Variants in HINT1 observed in about 807,000 individuals in gnomAD.
The protein encoded by HINT1 is histidine triad nucleotide binding protein 1.
HINT1 carries 12 observed loss-of-function variants against 11.2 expected under a neutral mutation model. The ratio of observed to expected loss-of-function variants is 1.07; its 90% CI spans 0.69 to 1.74. The LOEUF is 1.74. Ranked by LOEUF, HINT1 falls within the 40% of genes most tolerant of loss-of-function variation. The pLI is 0.00. For synonymous variants in HINT1, 42 were observed against 52.6 expected, an observed-to-expected ratio of 0.80 and a Z score of 0.87; for missense variants, 150 against 161.8, an observed-to-expected ratio of 0.93 and a Z score of 0.40.
At chr5:131,165,070 G>A in intron 1 of HINT1, 25 bp downstream of exon 1, 1 of 1,613,364 alleles carries the variant, frequency 6.2e-7, no homozygotes, top group South Asian at 1.1e-5. Context: ...CTCAGCAGGC[G>A]AGAGAGGTGG....
At chr5:131,162,107 C>G in intron 2 of HINT1, 2 of 333,696 alleles carry the variant, frequency 6.0e-6, no homozygotes, top group Non-Finnish European at 1.1e-5. Flanking sequence ...GGGCGGATCA[C>G]GAGGTCAGGA....
At chr5:131,164,027 T>A (rs948247548) in intron 1 of HINT1, among the ~76,000 whole-genome samples, 4 of 152,218 alleles carry the variant, frequency 2.6e-5, no homozygotes, top group African/African-American at 9.6e-5. Flanking sequence ...ACCAAAGAAT[T>A]TCCCCTGAGT....
At chr5:131,159,710 C>A in intron 2 of HINT1, 99 bp from the exon 3 acceptor site, 4 of 1,091,486 alleles carry the variant, frequency 3.7e-6, no homozygotes, top group Non-Finnish European at 5.3e-6. Flanking sequence ...TTAAAACTCT[C>A]ATTGAAACAC....
intron 2 of HINT1, chr5:131,160,573 G>A: frequency 2.6e-6 from 1 of 380,204 alleles, no homozygotes; most frequent in Non-Finnish European, 3.7e-6. Flanking sequence ...TAATTCCTTT[G>A]GCAAGAAAAG....
At chr5:131,163,009 T>C (rs1175344483) in intron 1 of HINT1, among the ~76,000 whole-genome samples, 1 of 152,070 alleles carries the variant, frequency 6.6e-6, no homozygotes, top group Non-Finnish European at 1.5e-5. Flanking sequence ...AGCTAATTTT[T>C]GTGTTTTTGT....
intron 2 of HINT1, chr5:131,160,859 G>C: frequency 2.2e-6 from 1 of 458,648 alleles, no homozygotes; most frequent in Non-Finnish European, 4.4e-6. Flanking sequence ...TACAGAATAG[G>C]CTCTGTATTA....
At chr5:131,162,497 G>T in intron 2 of HINT1, 75 bp downstream of exon 2, 1 of 1,595,418 alleles carries the variant, frequency 6.3e-7, no homozygotes, top group South Asian at 1.1e-5. Flanking sequence ...ATGAAAATGT[G>T]ACAGCACTTT....
intron 2 of HINT1, 200 bp downstream of exon 2, chr5:131,162,372 G>C (rs1755276016): frequency 9.9e-7 from 1 of 1,012,644 alleles, no homozygotes; most frequent in East Asian, 2.6e-5. Flanking sequence ...GGAGAAGCTG[G>C]AACGCTCATT....
At chr5:131,163,515 G>A (rs1461589387) in intron 1 of HINT1, among the ~76,000 whole-genome samples, 2 of 151,210 alleles carry the variant, frequency 1.3e-5, no homozygotes, top group Non-Finnish European at 2.9e-5. Context: ...AGAAAAAACA[G>A]AAAAAAACCT....
rs145306016 is a variant in HINT1, at chr5:131,159,545, G to A, written c.283C>T (p.Arg95Ter). ...AADLGLNKGY[R>*]MVVNEGSDGG... The stretch of plus-strand genomic sequence containing the variant: ...TCTGAACCTTCATTCACCACCATTC[G>A]ATAACCCTTATTCAGGCCCAGATCA... The change falls in exon 3 of 3, where the codon CGA becomes TGA. Residue 95 changes from arginine (R) to a stop codon, truncating the protein, a stop_gained. Transcript: ENST00000304043. LOFTEE classifies it high-confidence loss of function. 9 of 1,613,548 alleles carry A rather than the reference G, an allele frequency of 5.6e-6. No individual in the cohort carries two copies. The highest frequency in any genetic ancestry group is 2.2e-5 in the South Asian group (2 of 91,036).
chr5:131,163,486 A>G (rs1755308299), intron 1 of HINT1, among the ~76,000 whole-genome samples: 1 of 151,894 alleles, frequency 6.6e-6, no homozygotes, highest in Non-Finnish European at 1.5e-5. Flanking sequence ...CAGCACATAC[A>G]TGATTTCTGG....
At chr5:131,164,174 T>TA (rs1051132038) in intron 1 of HINT1, among the ~76,000 whole-genome samples, 2 of 152,234 alleles carry the variant, frequency 1.3e-5, no homozygotes, top group African/African-American at 4.8e-5. Context: ...CAAAACTGTT[T>TA]ACAAAATTTG....
chr5:131,165,058 A>G (rs2278060), intron 1 of HINT1, 37 bp downstream of exon 1: 8 of 1,611,970 alleles, frequency 5.0e-6, no homozygotes, highest in South Asian at 3.3e-5. Flanking sequence ...GACGATACCC[A>G]CCTCAGCAGG....
At chr5:131,160,818 A>T (rs1284671968) in intron 2 of HINT1, 1 of 469,662 alleles carries the variant, frequency 2.1e-6, no homozygotes, top group African/African-American at 2.0e-5. Flanking sequence ...ATGCAGTAAA[A>T]TACTCTTACA....
In HINT1 at chr5:131,162,620, G is replaced by A. The variant is rs370640868; in HGVS notation, c.168C>T (p.Pro56=). Residue 56 remains proline (P), a synonymous_variant, in exon 2 of 3, where the codon CCC becomes CCT. Transcript: ENST00000304043. ...CAGAAATCTGGGATATATGTTTCTTGGGTATCACCAGAAAATGTGTTGGTG... is the reference window on the plus strand; with the variant it reads ...CAGAAATCTGGGATATATGTTTCTTAGGTATCACCAGAAAATGTGTTGGTG... ...PQAPTHFLVI[P]KKHISQISVA... The A allele has an allele frequency of 6.2e-7, 1 of 1,613,488 alleles. No homozygotes were observed. Among genetic ancestry groups the A allele is most frequent in the African/African-American group, 1.3e-5 (1 of 75,014 alleles).
At position 131,165,188 on chromosome 5, in the gene HINT1, G is replaced by A. The variant is rs1323612144; in HGVS notation, c.18C>T (p.Ala6=). 1 of 1,608,912 alleles carries A rather than the reference G, an allele frequency of 6.2e-7. No individual in the cohort carries two copies. The highest frequency in any genetic ancestry group is 1.1e-5 in the South Asian group (1 of 91,076). Reference sequence around the variant, plus strand: ...CACCAGGCCGAGCGACCTGAGCCTTGGCAATCTCATCTGCCATCTCGGCCT... The same window carrying A: ...CACCAGGCCGAGCGACCTGAGCCTTAGCAATCTCATCTGCCATCTCGGCCT... MADEI[A]KAQVARPGGD... The change falls in exon 1 of 3, where the codon GCC becomes GCT. Residue 6 remains alanine, a synonymous_variant. Coordinates refer to ENST00000304043, the MANE Select transcript of HINT1 (RefSeq NM_005340.7).
intron 1 of HINT1, among the ~76,000 whole-genome samples, chr5:131,164,020 A>G (rs1426093148): frequency 1.3e-5 from 2 of 152,332 alleles, no homozygotes; most frequent in East Asian, 3.9e-4. Flanking sequence ...TTCTAAAACC[A>G]AAGAATTTCC....
rs770851222 is a variant in HINT1 at position 131,165,088 on chromosome 5, T to TG, written c.111+6_111+7insC. On this transcript the variant is annotated splice_region_variant and intron_variant, in intron 1 of 2. Coordinates refer to ENST00000304043, the MANE Select transcript of HINT1 (RefSeq NM_005340.7). ...AGCAGGCGAGAGAGGTGGTGCCCAG[T>TG]ACCTACCCGGTCATCCTCAAAAATG... 2.8e-4 allele frequency: 458 copies of TG among 1,613,530 alleles called. 1 individual carries two copies. Among genetic ancestry groups the TG allele is most frequent in the Middle Eastern group, 8.2e-4 (5 of 6,080 alleles).
Position 131,159,200 on chromosome 5 carries a change from A to G in HINT1, c.*247T>C. On this transcript the variant is annotated 3_prime_UTR_variant, in exon 3 of 3. Coordinates refer to ENST00000304043, the MANE Select transcript of HINT1 (RefSeq NM_005340.7). ...GAGTCCTCCTTGGGAAGAAAAAGCA[A>G]GAAACATCCAAAATTATAAACCCAC... The G allele has an allele frequency of 2.8e-6, 1 of 360,390 alleles. No homozygotes were observed. Among genetic ancestry groups the G allele is most frequent in the African/African-American group, 2.0e-5 (1 of 49,284 alleles). The allele number at this position is 360,390 out of a possible 1,614,324, so 22.3% of individuals were successfully genotyped here. A position where few individuals can be genotyped will look rare whatever the true frequency, so the allele number is the denominator to read the frequency against.
Sources: gnomAD v4.1 joint callset for allele counts (sites outside exome capture counted in the v4.1 genomes callset) on GRCh38, gnomAD v4.1.1 for gene constraint, MANE v1.5 for transcripts, NCBI Gene and HGNC (gene_info 2026-07-23, HGNC 2026-07-21) for gene names.